The following LIMD1 variants were observed in gnomAD, a reference collection of about 807,000 sequenced individuals.
LIMD1 encodes LIM domain-containing protein 1.
LIMD1 carries 23 observed loss-of-function variants against 58.4 expected under a neutral mutation model. The observed-to-expected ratio is 0.39, with a 90% CI of 0.28 to 0.56. The LOEUF (loss-of-function observed/expected upper bound fraction) is 0.56, where lower values mean the gene tolerates loss of function less well. Among genes scored for constraint, LIMD1 ranks in the 20% least tolerant of loss-of-function variants. The pLI is 0.57. For synonymous variants in LIMD1, 334 were observed against 345.5 expected, an observed-to-expected ratio of 0.97 and a Z score of 0.37; for missense variants, 838 against 855.5, an observed-to-expected ratio of 0.98 and a Z score of 0.25.
rs1697762087 is a variant in LIMD1 at position 45,682,909 on chromosome 3, C to G, written c.*5850C>G. ...GTGGCTTAAAACAACACAAATATAT[C>G]ATTCTGTCATCCTGGACACGAGCCA... On this transcript the variant is annotated 3_prime_UTR_variant, in exon 8 of 8. Transcript: ENST00000273317. The G allele has an allele frequency of 6.6e-6, 1 of 152,268 alleles. No homozygotes were observed. The highest frequency in any genetic ancestry group is 2.1e-4 in the South Asian group (1 of 4,810). 9.4% of individuals were successfully genotyped at this position (152,268 alleles called of 1,614,324 possible). A position where few individuals can be genotyped will look rare whatever the true frequency, so the allele number is the denominator to read the frequency against.
intron 2 of LIMD1, among the ~76,000 whole-genome samples, chr3:45,663,472 A>G (rs925263244): frequency 1.1e-4 from 17 of 152,232 alleles, no homozygotes; most frequent in African/African-American, 3.4e-4. Flanking sequence ...AGATTTAGTA[A>G]TTTTTGCCAA....
intron 5 of LIMD1, among the ~76,000 whole-genome samples, 183 bp downstream of exon 5, chr3:45,673,003 C>T (rs1697613434): frequency 6.7e-6 from 1 of 150,212 alleles, no homozygotes; most frequent in South Asian, 2.1e-4. Context: ...CCAGTGTTGA[C>T]AGGAATGGGT....
At chr3:45,620,661 A>G (rs1045356033) in intron 1 of LIMD1, among the ~76,000 whole-genome samples, 7 of 152,176 alleles carry the variant, frequency 4.6e-5, no homozygotes, top group Non-Finnish European at 4.4e-5. Flanking sequence ...CCTGGGGGGC[A>G]GAAGTTGCAG....
At chr3:45,617,066 C>G (rs1404515621) in intron 1 of LIMD1, among the ~76,000 whole-genome samples, 1 of 133,136 alleles carries the variant, frequency 7.5e-6, no homozygotes, top group Admixed American at 8.6e-5. Flanking sequence ...CAGAGTCTAG[C>G]TCTGTCGCCC....
At chr3:45,650,428 C>T (rs2125663252) in intron 2 of LIMD1, among the ~76,000 whole-genome samples, 1 of 152,198 alleles carries the variant, frequency 6.6e-6, no homozygotes. Flanking sequence ...TGTTGGCTTA[C>T]TGTACCCATA....
At chr3:45,672,139 A>G (rs1697592540) in intron 4 of LIMD1, among the ~76,000 whole-genome samples, 1 of 152,236 alleles carries the variant, frequency 6.6e-6, no homozygotes, top group African/African-American at 2.4e-5. Flanking sequence ...CAGAACTTCT[A>G]GATTATCATG....
intron 2 of LIMD1, among the ~76,000 whole-genome samples, chr3:45,645,514 C>T (rs576322539): frequency 6.6e-6 from 1 of 152,122 alleles, no homozygotes; most frequent in Non-Finnish European, 1.5e-5. Flanking sequence ...AGTCCCAGAC[C>T]AAGGGTGATA....
intron 1 of LIMD1, among the ~76,000 whole-genome samples, chr3:45,619,570 G>A (rs562700580): frequency 6.6e-6 from 1 of 152,218 alleles, no homozygotes; most frequent in East Asian, 1.9e-4. Context: ...AGGCCAAGAT[G>A]GGCAGATCAC....
chr3:45,664,252 C>T (rs7621199), intron 2 of LIMD1, among the ~76,000 whole-genome samples: 1,853 of 152,126 alleles, frequency 0.012, 27 homozygotes, highest in East Asian at 0.051. Flanking sequence ...GTGATCCTCC[C>T]GTGTCAGCCT....
At chr3:45,620,614 C>T (rs958546744) in intron 1 of LIMD1, among the ~76,000 whole-genome samples, 1 of 151,994 alleles carries the variant, frequency 6.6e-6, no homozygotes, top group Non-Finnish European at 1.5e-5. Flanking sequence ...ATGATGAAAC[C>T]CTGTCTCTAT....
At chr3:45,602,943 C>T (rs1238959869) in intron 1 of LIMD1, among the ~76,000 whole-genome samples, 9 of 151,892 alleles carry the variant, frequency 5.9e-5, no homozygotes, top group African/African-American at 1.5e-4. Flanking sequence ...CGGGTTCAAG[C>T]GATTCTCCTG....
chr3:45,673,902 A>C, intron 6 of LIMD1: 1 of 258,422 alleles, frequency 3.9e-6, no homozygotes, highest in Non-Finnish European at 7.5e-6. Flanking sequence ...AAAAAAACCA[A>C]AAAAAACCCC....
intron 1 of LIMD1, among the ~76,000 whole-genome samples, chr3:45,608,611 G>A (rs372620241): frequency 5.2e-4 from 79 of 152,186 alleles, no homozygotes; most frequent in African/African-American, 1.8e-3. Context: ...AGGCCGAGGC[G>A]GGCGGATCAC....
rs750531079 is a variant in LIMD1, at chr3:45,624,216, CA to C, written c.1409-11932del. On this transcript the variant is annotated intron_variant, in intron 1 of 7. Coordinates refer to ENST00000273317, the MANE Select transcript of LIMD1 (RefSeq NM_014240.3). ...TGACTGGATGCCCTGACCCTTGCCC[CA>C]ACCCCTTTCAGCATACAGTAGGTGG... is the stretch of plus-strand genomic sequence containing the variant. Among the ~76,000 whole-genome samples the C allele has an allele frequency of 2.7e-4, 41 of 152,178 alleles. 1 individual carries two copies. Among genetic ancestry groups the C allele is most frequent in the Non-Finnish European group, 5.9e-5 (4 of 68,036 alleles).
chr3:45,686,054 C>T lies in LIMD1; in HGVS notation c.*8995C>T, dbSNP rs907759168. On this transcript the variant is annotated 3_prime_UTR_variant, in exon 8 of 8. Transcript: ENST00000273317. Reference sequence around the variant, plus strand: ...AAGATACTGTGGCAAGCTATATCCGCAATTCCCAGGAATTCGTCTGATTGA... The same window carrying T: ...AAGATACTGTGGCAAGCTATATCCGTAATTCCCAGGAATTCGTCTGATTGA... 3 of 152,192 alleles carry T rather than the reference C, an allele frequency of 2.0e-5. No homozygotes were observed. Among genetic ancestry groups the T allele is most frequent in the Admixed American group, 1.3e-4 (2 of 15,280 alleles). The allele number at this position is 152,192 out of a possible 1,614,324, so 9.4% of individuals were successfully genotyped here. A position where few individuals can be genotyped will look rare whatever the true frequency, so the allele number is the denominator to read the frequency against.
At chr3:45,641,999 CTT>C in intron 2 of LIMD1, among the ~76,000 whole-genome samples, 1 of 152,262 alleles carries the variant, frequency 6.6e-6, no homozygotes, top group Non-Finnish European at 1.5e-5. Flanking sequence ...AGCCGTGCAT[CTT>C]TTTATGTTCT....
chr3:45,658,526 A>G lies in LIMD1; in HGVS notation c.1511-7124A>G, dbSNP rs1443705279. Among the ~76,000 whole-genome samples the G allele has an allele frequency of 5.6e-5, 7 of 126,028 alleles. No homozygotes were observed. The Admixed American group carries it at 6.3e-4, about 11-fold the overall frequency. The allele number at this position is 126,028 out of a possible 152,430, so 82.7% of individuals were successfully genotyped here. A position where few individuals can be genotyped will look rare whatever the true frequency, so the allele number is the denominator to read the frequency against. The stretch of plus-strand genomic sequence containing the variant: ...TAGGAAATAAACCATCCCCTCCACC[A>G]TGCAGATTCTTTTTTTTTTTTTTTT... On this transcript the variant is annotated intron_variant, in intron 2 of 7. Transcript: ENST00000273317.
At chr3:45,601,627 T>C (rs1701413723) in intron 1 of LIMD1, among the ~76,000 whole-genome samples, 4 of 152,220 alleles carry the variant, frequency 2.6e-5, no homozygotes, top group Non-Finnish European at 5.9e-5. Flanking sequence ...CAGTGCTTTG[T>C]GGGCCTTGTT....
intron 1 of LIMD1, among the ~76,000 whole-genome samples, chr3:45,614,309 C>T (rs940586748): frequency 1.3e-5 from 2 of 150,792 alleles, no homozygotes; most frequent in Non-Finnish European, 2.9e-5. Flanking sequence ...GGGTGGATCA[C>T]GAGGTCAGGA....
Sources: gnomAD v4.1 joint callset for allele counts (sites outside exome capture counted in the v4.1 genomes callset) on GRCh38, gnomAD v4.1.1 for gene constraint, MANE v1.5 for transcripts, NCBI Gene and HGNC (gene_info 2026-07-23, HGNC 2026-07-21) for gene names.